The following HEXIM2 variants were observed in gnomAD, a reference collection of about 807,000 sequenced individuals.
The protein encoded by HEXIM2 is HEXIM P-TEFb complex subunit 2.
For missense variants in HEXIM2, 413 were observed against 390.8 expected (o/e 1.06, Z -0.48); for synonymous variants, 159 against 162.7 (o/e 0.98, Z 0.17).
chr17:45,160,815 A>G, upstream of HEXIM2: 1 of 830,026 alleles, frequency 1.2e-6, no homozygotes, highest in South Asian at 1.4e-5. Flanking sequence ...TCAGGCACCG[A>G]GCTCGTGAAG....
In HEXIM2 at chr17:45,169,017, C is replaced by T. The variant is rs1025031474; in HGVS notation, c.69C>T (p.Thr23=). The change falls in exon 4 of 4, where the codon ACC becomes ACT. Residue 23 remains threonine, a splice_region_variant and synonymous_variant. Coordinates refer to ENST00000589230, the MANE Select transcript of HEXIM2 (RefSeq NM_001303441.2). ...ESPVALEEAK[T]SGAPGSPQTP... ...TTCTTCCTCCTCCCTCTCTTTAGAC[C>T]TCTGGTGCCCCGGGGAGCCCCCAAA... 2.5e-6 allele frequency: 4 copies of T among 1,605,460 alleles called. No homozygotes were observed. The highest frequency in any genetic ancestry group is 3.4e-6 in the Non-Finnish European group (4 of 1,175,454).
intron 3 of HEXIM2, among the ~76,000 whole-genome samples, chr17:45,163,258 G>A (rs1343170842): frequency 3.3e-5 from 5 of 149,880 alleles, no homozygotes; most frequent in South Asian, 2.1e-4. Context: ...CCCAGGGGTC[G>A]GAGGTTGCAG....
chr17:45,162,157 C>T, intron 1 of HEXIM2, 126 bp downstream of exon 1: 1 of 370,338 alleles, frequency 2.7e-6, no homozygotes, highest in Non-Finnish European at 3.7e-6. Context: ...CCCTTTTCTC[C>T]TGTTTCCCTT....
chr17:45,162,710 G>A (rs1338721850), intron 2 of HEXIM2, 40 bp from the exon 3 acceptor site: 7 of 1,607,312 alleles, frequency 4.4e-6, no homozygotes, highest in East Asian at 4.5e-5. Flanking sequence ...TATTCCTGAC[G>A]TTCCTTCAGG....
chr17:45,161,621 A>C (rs1190468745), upstream of HEXIM2: 2 of 155,920 alleles, frequency 1.3e-5, no homozygotes, highest in African/African-American at 4.8e-5. Context: ...TAACGCCATC[A>C]ATGAACTCTT....
chr17:45,164,047 C>T (rs2042773950), intron 3 of HEXIM2, among the ~76,000 whole-genome samples: 1 of 151,748 alleles, frequency 6.6e-6, no homozygotes, highest in African/African-American at 2.4e-5. Flanking sequence ...CCCAGCGACT[C>T]AGGAGGCTGA....
In HEXIM2 at chr17:45,169,992, T is replaced by C; in HGVS notation, c.*183T>C. ...TTCCATAGTTGGCTCTTTTGTGTCA[T>C]CTTACCCTTTACAGAGAAATTAAAT... On this transcript the variant is annotated 3_prime_UTR_variant, in exon 4 of 4. Coordinates refer to ENST00000589230, the MANE Select transcript of HEXIM2 (RefSeq NM_001303441.2). 1 of 492,420 alleles carries C rather than the reference T, an allele frequency of 2.0e-6. No individual in the cohort carries two copies. The highest frequency in any genetic ancestry group is 3.5e-6 in the Non-Finnish European group (1 of 286,060). The allele number at this position is 492,420 out of a possible 1,614,324, so 30.5% of individuals were successfully genotyped here. A position where few individuals can be genotyped will look rare whatever the true frequency, so the allele number is the denominator to read the frequency against.
intron 3 of HEXIM2, 46 bp from the exon 4 acceptor site, chr17:45,168,969 A>G (rs1250050934): frequency 6.5e-7 from 1 of 1,533,630 alleles, no homozygotes; most frequent in East Asian, 2.3e-5. Context: ...TCCACCTCCA[A>G]GGACAGGCTG....
At position 45,169,534 on chromosome 17, in the gene HEXIM2, A is replaced by AC. The variant is rs1567934137; in HGVS notation, c.587dup (p.Tyr197LeufsTer36). 6.3e-7 allele frequency: 1 copy of AC among 1,584,158 alleles called. No individual in the cohort carries two copies. The highest frequency in any genetic ancestry group is 1.1e-5 in the South Asian group (1 of 87,762). ...GTTCCAGCGGAAGGACTTCTCTGAG[A>AC]CTTACGAACGCTTCCACACCGAGAG... On this transcript the variant is annotated frameshift_variant, in exon 4 of 4. Transcript: ENST00000589230. LOFTEE classifies it low-confidence loss of function (END_TRUNC).
Position 45,161,896 on chromosome 17 carries a change from T to G in HEXIM2, c.-328T>G. The G allele has an allele frequency of 7.1e-6, 7 of 985,594 alleles. No individual in the cohort carries two copies. Among genetic ancestry groups the G allele is most frequent in the Non-Finnish European group, 8.4e-6 (7 of 830,096 alleles). The allele number at this position is 985,594 out of a possible 1,614,324, so 61.1% of individuals were successfully genotyped here. Reference sequence around the variant, plus strand: ...GGCTCTCTCTTCCCCCCCATCTTAGTGGCCTGAGCGGCTTGACCAGAGCTG... The same window carrying G: ...GGCTCTCTCTTCCCCCCCATCTTAGGGGCCTGAGCGGCTTGACCAGAGCTG... On this transcript the variant is annotated 5_prime_UTR_variant, in exon 1 of 4. Transcript: ENST00000589230.
intron 3 of HEXIM2, chr17:45,168,779 G>C (rs2042937909): frequency 3.7e-6 from 2 of 537,434 alleles, no homozygotes; most frequent in Non-Finnish European, 6.6e-6. Flanking sequence ...TGAAATTACA[G>C]AGTGAAACAC....
At chr17:45,162,275 A>T (rs1309572755) in intron 1 of HEXIM2, among the ~76,000 whole-genome samples, 2 of 152,106 alleles carry the variant, frequency 1.3e-5, no homozygotes, top group African/African-American at 2.4e-5. Context: ...CAGCTTGGGG[A>T]GAAGGTTGGG....
Position 45,161,888 on chromosome 17 carries a change from C to A in HEXIM2, c.-336C>A, listed in dbSNP as rs1382277187. 4.0e-5 allele frequency: 39 copies of A among 985,612 alleles called. No homozygotes were observed. Among genetic ancestry groups the A allele is most frequent in the African/African-American group, 1.2e-4 (7 of 57,228 alleles). The allele number at this position is 985,612 out of a possible 1,614,324, so 61.1% of individuals were successfully genotyped here. ...CGCGTCCAGGCTCTCTCTTCCCCCC[C>A]ATCTTAGTGGCCTGAGCGGCTTGAC... On this transcript the variant is annotated 5_prime_UTR_variant, in exon 1 of 4. Coordinates refer to ENST00000589230, the MANE Select transcript of HEXIM2 (RefSeq NM_001303441.2).
Position 45,169,405 on chromosome 17 carries a change from C to T in HEXIM2, c.457C>T (p.Pro153Ser), listed in dbSNP as rs1239678215. 1.1e-5 allele frequency: 18 copies of T among 1,613,846 alleles called. No individual in the cohort carries two copies. The highest frequency in any genetic ancestry group is 1.4e-5 in the Non-Finnish European group (16 of 1,180,006). Reference sequence around the variant, plus strand: ...CCAGTTCCTGATGAATGACAGGGACCCGGAGGAGCCCAACTTGGATGTGCC... The same window carrying T: ...CCAGTTCCTGATGAATGACAGGGACTCGGAGGAGCCCAACTTGGATGTGCC... ...TTQFLMNDRD[P>S]EEPNLDVPHG... The change falls in exon 4 of 4, where the codon CCG becomes TCG. Residue 153 changes from proline to serine, a missense_variant. Pro to Ser is a moderately conservative substitution (Grantham distance 74). Transcript: ENST00000589230.
chr17:45,169,771 C>G lies in HEXIM2; in HGVS notation c.823C>G (p.Arg275Gly). 1 of 1,457,604 alleles carries G rather than the reference C, an allele frequency of 6.9e-7. No homozygotes were observed. The highest frequency in any genetic ancestry group is 9.0e-7 in the Non-Finnish European group (1 of 1,105,346). 90.3% of individuals were successfully genotyped at this position (1,457,604 alleles called of 1,614,324 possible). Reference protein sequence around the residue: ...RLRQENQMWNREGCRCDEEPG... With the variant: ...RLRQENQMWNGEGCRCDEEPG... ...TCGTCAGGAGAACCAGATGTGGAAC[C>G]GAGAGGGCTGCCGCTGTGATGAGGA... Residue 275 changes from arginine (R) to glycine (G), a missense_variant, in exon 4 of 4, where the codon CGA becomes GGA. By Grantham distance (125) the Arg-to-Gly change is moderately radical. Transcript: ENST00000589230.
upstream of HEXIM2, chr17:45,161,780 G>A: frequency 1.0e-6 from 1 of 965,464 alleles, no homozygotes; most frequent in Middle Eastern, 5.3e-4. Context: ...GATGGGTTTT[G>A]GAGTCTCGGG....
chr17:45,161,133 G>A (rs1034572555), upstream of HEXIM2: 18 of 402,566 alleles, frequency 4.5e-5, no homozygotes, highest in Non-Finnish European at 7.3e-5. Context: ...AGGCCGAATG[G>A]GGGTGGGGAG....
Position 45,162,837 on chromosome 17 carries a change from C to A in HEXIM2, c.44C>A (p.Pro15Gln), listed in dbSNP as rs1345861745. ...PNQTACNAES[P>Q]VALEEAKTSG... Reference sequence around the variant, plus strand: ...CAGACCGCCTGTAATGCAGAGTCACCAGTGGCCCTGGAGGAGGCCAAGGTA... The same window carrying A: ...CAGACCGCCTGTAATGCAGAGTCACAAGTGGCCCTGGAGGAGGCCAAGGTA... The change falls in exon 3 of 4, where the codon CCA (proline) becomes CAA (glutamine). Residue 15 changes from proline (P) to glutamine (Q), a missense_variant. By Grantham distance (76) the Pro-to-Gln change is moderately conservative. Coordinates refer to ENST00000589230, the MANE Select transcript of HEXIM2 (RefSeq NM_001303441.2). 5 of 1,613,390 alleles carry A rather than the reference C, an allele frequency of 3.1e-6. No individual in the cohort carries two copies. Among genetic ancestry groups the A allele is most frequent in the Non-Finnish European group, 4.2e-6 (5 of 1,179,876 alleles).
At chr17:45,162,349 C>T (rs771605589) in intron 1 of HEXIM2, 139 bp from the exon 2 acceptor site, 122 of 502,234 alleles carry the variant, frequency 2.4e-4, no homozygotes, top group Non-Finnish European at 3.1e-4. Context: ...TGAGCTTGCT[C>T]CATGTTCTCC....
Sources: allele counts gnomAD v4.1 joint callset (sites outside exome capture counted in the v4.1 genomes callset), GRCh38; gene constraint gnomAD v4.1.1; transcripts MANE v1.5; gene names NCBI Gene and HGNC (gene_info 2026-07-23, HGNC 2026-07-21).